UBE2K: variants seen among roughly 807,000 people sequenced by gnomAD.
UBE2K encodes ubiquitin-conjugating enzyme E2 K.
In UBE2K, 6 loss-of-function variants were observed where a neutral mutation model predicts 30.0. The ratio of observed to expected loss-of-function variants is 0.20; its 90% confidence interval spans 0.11 to 0.39. The LOEUF (loss-of-function observed/expected upper bound fraction) is 0.39. Ranked by LOEUF, UBE2K falls within the 10% of genes least tolerant of loss-of-function variation. UBE2K has a pLI of 1.00. For synonymous variants in UBE2K, 86 were observed against 83.7 expected, an observed-to-expected ratio of 1.03 and a Z score of -0.15; for missense variants, 61 against 241.6, an observed-to-expected ratio of 0.25 and a Z score of 4.96.
rs185478474 is a variant in UBE2K, at chr4:39,704,948, G to A, written c.63+6558G>A. Among the ~76,000 whole-genome samples the A allele has an allele frequency of 7.2e-3, 1,027 of 141,834 alleles. 15 individuals are homozygous for A. Among genetic ancestry groups the A allele is most frequent in the African/African-American group, 0.026 (968 of 37,482 alleles). 93.0% of individuals were successfully genotyped at this position (141,834 alleles called of 152,430 possible). On this transcript the variant is annotated intron_variant, in intron 1 of 6. Transcript: ENST00000261427. The stretch of plus-strand genomic sequence containing the variant: ...GTGCAATGCGCCATCTCGGCTCACC[G>A]CAACCTCCGCCTCCCGGGTTCAAGC...
chr4:39,714,839 G>A (rs1718955959), intron 1 of UBE2K, among the ~76,000 whole-genome samples: 2 of 151,034 alleles, frequency 1.3e-5, no homozygotes, highest in South Asian at 2.1e-4. Context: ...GTAAGCCACC[G>A]TGCTTGGCCC....
chr4:39,773,349 T>C (rs1278007063), intron 4 of UBE2K, among the ~76,000 whole-genome samples: 3 of 151,804 alleles, frequency 2.0e-5, no homozygotes, highest in African/African-American at 7.3e-5. Context: ...GTGCCTGTAG[T>C]CCCAGCTACT....
At chr4:39,737,963 T>C (rs1223388125) in intron 2 of UBE2K, among the ~76,000 whole-genome samples, 1 of 152,172 alleles carries the variant, frequency 6.6e-6, no homozygotes, top group East Asian at 1.9e-4. Context: ...GTAGTCCAAA[T>C]GTTTATTTTC....
chr4:39,705,998 TGC>T (rs1718338861), intron 1 of UBE2K, among the ~76,000 whole-genome samples: 1 of 151,530 alleles, frequency 6.6e-6, no homozygotes, highest in South Asian at 2.1e-4. Flanking sequence ...ATTACAGGCA[TGC>T]GCCACCATGC....
intron 4 of UBE2K, among the ~76,000 whole-genome samples, chr4:39,767,021 G>A (rs1712385049): frequency 6.6e-6 from 1 of 152,178 alleles, no homozygotes; most frequent in Non-Finnish European, 1.5e-5. Flanking sequence ...AGAGTGCTGG[G>A]ATTACAGGTG....
rs376907671 is a variant in UBE2K at position 39,768,583 on chromosome 4, T to C, written c.300-6251T>C. ...ATTTAAAAGAGATGAGGTTTCACCATCTTGCCCAGGCTGGTCTCAAACCCC... is the reference window on the plus strand; with the variant it reads ...ATTTAAAAGAGATGAGGTTTCACCACCTTGCCCAGGCTGGTCTCAAACCCC... On this transcript the variant is annotated intron_variant, in intron 4 of 6. Transcript: ENST00000261427. Among the ~76,000 whole-genome samples, 25 of 152,270 alleles carry C rather than the reference T, an allele frequency of 1.6e-4. No individual in the cohort carries two copies. The South Asian group carries it at 5.0e-3, about 30-fold the overall frequency.
chr4:39,763,442 G>T (rs1227391525), intron 4 of UBE2K, among the ~76,000 whole-genome samples: 1 of 151,324 alleles, frequency 6.6e-6, no homozygotes, highest in East Asian at 2.0e-4. Flanking sequence ...GTAGAGACGG[G>T]GTTTCTCCAT....
At chr4:39,749,421 G>C (rs1721139985) in intron 3 of UBE2K, among the ~76,000 whole-genome samples, 1 of 152,106 alleles carries the variant, frequency 6.6e-6, no homozygotes, top group African/African-American at 2.4e-5. Context: ...CCAGCACCTA[G>C]GGAGGCAGGG....
rs1169251953 is a variant in UBE2K at position 39,782,490 on chromosome 4, T to G, written c.*4056T>G. The G allele has an allele frequency of 6.6e-6, 1 of 152,146 alleles. No individual in the cohort carries two copies. The highest frequency in any genetic ancestry group is 1.9e-4 in the East Asian group (1 of 5,202). The allele number at this position is 152,146 out of a possible 1,614,324, so 9.4% of individuals were successfully genotyped here. A position where few individuals can be genotyped will look rare whatever the true frequency, so the allele number is the denominator to read the frequency against. On this transcript the variant is annotated 3_prime_UTR_variant, in exon 7 of 7. Coordinates refer to ENST00000261427, the MANE Select transcript of UBE2K (RefSeq NM_005339.5). ...TACTGCCATTATAGGGAACCTTGCT[T>G]GTTAGCTTCTCTAGATCTCTATTCT...
At chr4:39,743,043 C>T (rs569781618) in intron 2 of UBE2K, among the ~76,000 whole-genome samples, 3 of 140,124 alleles carry the variant, frequency 2.1e-5, no homozygotes, top group African/African-American at 7.9e-5. Flanking sequence ...GACCCTGTCT[C>T]AGGAAAAAAA....
intron 1 of UBE2K, among the ~76,000 whole-genome samples, chr4:39,724,970 A>G (rs970276076): frequency 3.7e-4 from 57 of 152,162 alleles, no homozygotes; most frequent in Non-Finnish European, 1.9e-4. Flanking sequence ...GGGGTTCCTT[A>G]GAGACTTCTT....
At position 39,782,758 on chromosome 4, in the gene UBE2K, TTAAAAA is replaced by T. The variant is rs1713687316; in HGVS notation, c.*4329_*4334del. On this transcript the variant is annotated 3_prime_UTR_variant, in exon 7 of 7. Coordinates refer to ENST00000261427, the MANE Select transcript of UBE2K (RefSeq NM_005339.5). ...ATTTTTCCCCCCTTATTGGGAATTC[TTAAAAA>T]TAAATGCATGCATGTTTTCCCCTGA... 1 of 152,228 alleles carries T rather than the reference TTAAAAA, an allele frequency of 6.6e-6. No homozygotes were observed. Among genetic ancestry groups the T allele is most frequent in the African/African-American group, 2.4e-5 (1 of 41,472 alleles). The allele number at this position is 152,228 out of a possible 1,614,324, so 9.4% of individuals were successfully genotyped here. A position where few individuals can be genotyped will look rare whatever the true frequency, so the allele number is the denominator to read the frequency against.
At chr4:39,707,433 C>T (rs745984772) in intron 1 of UBE2K, among the ~76,000 whole-genome samples, 1 of 151,898 alleles carries the variant, frequency 6.6e-6, no homozygotes, top group Non-Finnish European at 1.5e-5. Context: ...CTTCAGACCT[C>T]AGGTGATCCG....
At chr4:39,718,724 C>T (rs1424221645) in intron 1 of UBE2K, among the ~76,000 whole-genome samples, 2 of 152,246 alleles carry the variant, frequency 1.3e-5, no homozygotes, top group Non-Finnish European at 1.5e-5. Context: ...CCGGCCGCAT[C>T]CTCCGCAGCT....
At chr4:39,713,798 C>T (rs1718851013) in intron 1 of UBE2K, 1 of 150,988 alleles carries the variant, frequency 6.6e-6, no homozygotes, top group African/African-American at 2.4e-5. Context: ...ATTATTTGTC[C>T]CTTTAAAAAA....
chr4:39,740,650 C>T (rs1720646590), intron 2 of UBE2K, among the ~76,000 whole-genome samples: 1 of 150,924 alleles, frequency 6.6e-6, no homozygotes, highest in Non-Finnish European at 1.5e-5. Flanking sequence ...ATCACGAGGT[C>T]AGGAGATCGA....
chr4:39,769,228 T>C (rs1578501695), intron 4 of UBE2K, among the ~76,000 whole-genome samples: 2 of 131,822 alleles, frequency 1.5e-5, no homozygotes, highest in South Asian at 4.9e-4. Context: ...TTTTTTTTTT[T>C]CGTTTTGTTT....
At chr4:39,724,087 A>C (rs886338074) in intron 1 of UBE2K, among the ~76,000 whole-genome samples, 1 of 151,014 alleles carries the variant, frequency 6.6e-6, no homozygotes, top group Admixed American at 6.6e-5. Context: ...TACTGGGATT[A>C]CAGGCATGAG....
intron 1 of UBE2K, among the ~76,000 whole-genome samples, chr4:39,702,578 T>C (rs1295150611): frequency 6.6e-6 from 1 of 152,128 alleles, no homozygotes; most frequent in Admixed American, 6.6e-5. Context: ...TCATAGGGCG[T>C]GTTTAAATCT....
Sources: gnomAD v4.1 joint callset for allele counts (sites outside exome capture counted in the v4.1 genomes callset) on GRCh38, gnomAD v4.1.1 for gene constraint, MANE v1.5 for transcripts, NCBI Gene and HGNC (gene_info 2026-07-23, HGNC 2026-07-21) for gene names.